Variants in ARHGAP10 observed in about 807,000 individuals in gnomAD.
ARHGAP10 encodes Rho GTPase activating protein 10, also known as rho GTPase-activating protein 10.
ARHGAP10 carries 87 observed loss-of-function variants against 108.6 expected under a neutral mutation model. That is an observed-to-expected ratio of 0.80 (90% CI 0.67 to 0.96). The LOEUF (loss-of-function observed/expected upper bound fraction) is 0.96, where lower values mean the gene tolerates loss of function less well. Among genes scored for constraint, ARHGAP10 ranks in the 40% least tolerant of loss-of-function variants. The probability of loss-of-function intolerance (pLI) is 0.00; values close to 1 mark genes in which losing one functional copy is unlikely to be tolerated. For missense variants in ARHGAP10, 939 were observed against 954.5 expected (o/e 0.98, Z 0.21); for synonymous variants, 347 against 341.1 (o/e 1.02, Z -0.19).
chr4:148,007,049 G>A (rs900460602), intron 18 of ARHGAP10, among the ~76,000 whole-genome samples: 10 of 152,112 alleles, frequency 6.6e-5, no homozygotes, highest in African/African-American at 1.9e-4. Flanking sequence ...CTGTAGGTGC[G>A]GTGGGAGTTA....
intron 15 of ARHGAP10, among the ~76,000 whole-genome samples, chr4:147,949,187 A>G (rs529937384): frequency 2.0e-5 from 3 of 152,294 alleles, no homozygotes; most frequent in African/African-American, 4.8e-5. Flanking sequence ...TGAAACTGTT[A>G]TGTGCACTAT....
chr4:148,070,798 C>G (rs982855228), intron 22 of ARHGAP10, among the ~76,000 whole-genome samples: 1 of 152,130 alleles, frequency 6.6e-6, no homozygotes, highest in Non-Finnish European at 1.5e-5. Context: ...TCATGCCTCC[C>G]CTTTCCTTTA....
At chr4:148,060,648 C>G (rs1433062319) in intron 20 of ARHGAP10, among the ~76,000 whole-genome samples, 1 of 152,170 alleles carries the variant, frequency 6.6e-6, no homozygotes, top group East Asian at 1.9e-4. Flanking sequence ...GACACTGTCT[C>G]CAGCCTTGCA....
At chr4:147,749,871 AG>A (rs1232357678) in intron 1 of ARHGAP10, among the ~76,000 whole-genome samples, 67 of 152,360 alleles carry the variant, frequency 4.4e-4, no homozygotes, top group African/African-American at 1.5e-3. Flanking sequence ...ACTGTCTAAA[AG>A]GCTTGAATGG....
chr4:147,946,409 C>G (rs1487853678), intron 14 of ARHGAP10: 9 of 440,216 alleles, frequency 2.0e-5, no homozygotes, highest in Non-Finnish European at 3.2e-5. Flanking sequence ...TTGCTTTGAT[C>G]TCTACTACAG....
At chr4:147,751,036 G>A (rs1348572713) in intron 1 of ARHGAP10, among the ~76,000 whole-genome samples, 1 of 151,714 alleles carries the variant, frequency 6.6e-6, no homozygotes, top group East Asian at 2.0e-4. Context: ...AAAATTAGCC[G>A]GGTGTGATGG....
chr4:148,031,205 C>A (rs540423480), intron 19 of ARHGAP10, among the ~76,000 whole-genome samples: 2 of 152,136 alleles, frequency 1.3e-5, no homozygotes, highest in Non-Finnish European at 2.9e-5. Context: ...TTATTTAAGT[C>A]TGTTTATTAT....
chr4:147,902,414 A>C (rs1191095852), intron 10 of ARHGAP10, among the ~76,000 whole-genome samples: 1 of 152,124 alleles, frequency 6.6e-6, no homozygotes, highest in African/African-American at 2.4e-5. Flanking sequence ...GAACTGCCTG[A>C]GATTGGATAA....
At chr4:147,872,382 T>C (rs1017962513) in intron 7 of ARHGAP10, among the ~76,000 whole-genome samples, 1 of 152,166 alleles carries the variant, frequency 6.6e-6, no homozygotes, top group South Asian at 2.1e-4. Context: ...GAAAGAAACC[T>C]GAAGAACTGG....
intron 10 of ARHGAP10, among the ~76,000 whole-genome samples, chr4:147,882,615 T>TG (rs1024550289): frequency 2.6e-5 from 4 of 152,102 alleles, no homozygotes; most frequent in Non-Finnish European, 4.4e-5. Context: ...CATTTGTGTG[T>TG]GGGGGGGTTT....
intron 18 of ARHGAP10, among the ~76,000 whole-genome samples, chr4:147,996,897 G>A (rs1233534176): frequency 6.6e-6 from 1 of 152,188 alleles, no homozygotes; most frequent in African/African-American, 2.4e-5. Context: ...AAGCCAGGGA[G>A]GGAGGCCTCA....
At chr4:147,854,633 A>G in intron 4 of ARHGAP10, 1 of 900,080 alleles carries the variant, frequency 1.1e-6, no homozygotes, top group Non-Finnish European at 1.3e-6. Flanking sequence ...TTCTTTATTG[A>G]ATGCTACTTG....
At position 148,072,156 on chromosome 4, in the gene ARHGAP10, C is replaced by T. The variant is rs529987266; in HGVS notation, c.*75C>T. Reference sequence around the variant, plus strand: ...GGGGCAGAGAGCTGTCTTCCTCCTCCGAGGCTCTGGGCTGCACCCACAGGT... The same window carrying T: ...GGGGCAGAGAGCTGTCTTCCTCCTCTGAGGCTCTGGGCTGCACCCACAGGT... On this transcript the variant is annotated 3_prime_UTR_variant, in exon 23 of 23. Transcript: ENST00000336498. 78 of 1,386,770 alleles carry T rather than the reference C, an allele frequency of 5.6e-5. No homozygotes were observed. Among genetic ancestry groups the T allele is most frequent in the Middle Eastern group, 2.6e-4 (1 of 3,904 alleles). 85.9% of individuals were successfully genotyped at this position (1,386,770 alleles called of 1,614,324 possible).
chr4:148,020,060 T>C (rs1365595903), intron 18 of ARHGAP10, among the ~76,000 whole-genome samples: 1 of 152,216 alleles, frequency 6.6e-6, no homozygotes, highest in East Asian at 1.9e-4. Context: ...AATGCTCCAA[T>C]GAGCATTTCC....
chr4:147,941,337 C>T (rs540394794), intron 14 of ARHGAP10, among the ~76,000 whole-genome samples: 1 of 152,268 alleles, frequency 6.6e-6, no homozygotes, highest in South Asian at 2.1e-4. Context: ...ATTTGTTGGT[C>T]ATCTCATAAA....
chr4:147,896,316 G>A lies in ARHGAP10; in HGVS notation c.1035-10322G>A, dbSNP rs527664237. 1.1e-4 allele frequency among the ~76,000 whole-genome samples: 17 copies of A among 152,168 alleles called. No homozygotes were observed. In the South Asian group the frequency reaches 3.3e-3, roughly 30 times the overall value. ...GTGTTTGAGGTAATTCACCTATGAA[G>A]TCATCTTTGCCTAGAGTTTTCTTGG... is the stretch of plus-strand genomic sequence containing the variant. On this transcript the variant is annotated intron_variant, in intron 10 of 22. Transcript: ENST00000336498.
chr4:147,903,309 T>C (rs4491995), intron 10 of ARHGAP10, among the ~76,000 whole-genome samples: 17,020 of 152,222 alleles, frequency 0.11, 1,171 homozygotes, highest in East Asian at 0.32. Context: ...GAGAGACTAC[T>C]TTTTAAAGAA....
chr4:147,785,966 T>C (rs529247123), intron 1 of ARHGAP10, among the ~76,000 whole-genome samples: 1 of 152,202 alleles, frequency 6.6e-6, no homozygotes, highest in African/African-American at 2.4e-5. Context: ...TATTAACTCC[T>C]TTTACAGGTC....
At chr4:147,819,328 AATAT>A (rs1454955942) in intron 1 of ARHGAP10, among the ~76,000 whole-genome samples, 1 of 152,168 alleles carries the variant, frequency 6.6e-6, no homozygotes, top group African/African-American at 2.4e-5. Flanking sequence ...TAGGTAAGTA[AATAT>A]AAACAAACAT....
Sources: gnomAD v4.1 joint callset for allele counts (sites outside exome capture counted in the v4.1 genomes callset) on GRCh38, gnomAD v4.1.1 for gene constraint, MANE v1.5 for transcripts, NCBI Gene and HGNC (gene_info 2026-07-23, HGNC 2026-07-21) for gene names.